The following MED13L variants were observed in gnomAD, a reference collection of about 807,000 sequenced individuals.
MED13L encodes mediator of RNA polymerase II transcription subunit 13-like.
Under a neutral mutation model 220.9 loss-of-function variants are expected in MED13L, and 7 were observed. The ratio of observed to expected loss-of-function variants is 0.03; its 90% CI spans 0.02 to 0.06. The LOEUF (loss-of-function observed/expected upper bound fraction) is 0.06. Among genes scored for constraint, MED13L ranks in the 10% least tolerant of loss-of-function variants. The pLI is 1.00. For missense variants in MED13L, 1,965 were observed against 2,760.5 expected (o/e 0.71, Z 6.46); for synonymous variants, 1,011 against 1,015.2 (o/e 1.00, Z 0.08).
At chr12:116,046,748 C>T (rs989166737) in intron 4 of MED13L, among the ~76,000 whole-genome samples, 28 of 152,170 alleles carry the variant, frequency 1.8e-4, no homozygotes, top group African/African-American at 3.4e-4. Flanking sequence ...ACGAGACAGA[C>T]GGATCACGAG....
chr12:116,020,047 G>A, intron 5 of MED13L, 75 bp from the exon 6 acceptor site: 1 of 1,298,004 alleles, frequency 7.7e-7, no homozygotes, highest in Non-Finnish European at 1.1e-6. Context: ...TACATATGTG[G>A]TAATTTTAGG....
intron 9 of MED13L, among the ~76,000 whole-genome samples, chr12:116,011,587 C>CA (rs966667885): frequency 8.5e-5 from 13 of 152,128 alleles, no homozygotes; most frequent in African/African-American, 3.1e-4. Context: ...GTCCATAAGT[C>CA]AAAGTTACTG....
chr12:116,089,285 T>C (rs1418503935), intron 4 of MED13L, among the ~76,000 whole-genome samples: 1 of 152,186 alleles, frequency 6.6e-6, no homozygotes, highest in Admixed American at 6.5e-5. Context: ...CCTGAACTCC[T>C]GGGCTCAAGC....
intron 29 of MED13L, 100 bp downstream of exon 29, chr12:115,965,982 A>T: frequency 7.1e-7 from 1 of 1,405,884 alleles, no homozygotes; most frequent in Non-Finnish European, 1.0e-6. Flanking sequence ...AAAGGAACAG[A>T]ATAAGATTAT....
intron 3 of MED13L, among the ~76,000 whole-genome samples, chr12:116,103,485 C>CT (rs547113941): frequency 3.9e-4 from 60 of 152,082 alleles, no homozygotes; most frequent in Non-Finnish European, 8.5e-4. Context: ...GGGGGTCTCG[C>CT]TTTGTTGCCC....
intron 2 of MED13L, among the ~76,000 whole-genome samples, chr12:116,142,678 G>C (rs560827241): frequency 6.6e-5 from 10 of 151,792 alleles, no homozygotes; most frequent in Non-Finnish European, 1.3e-4. Flanking sequence ...ACAAGAGTGA[G>C]GCCCAGTCTC....
chr12:116,159,958 T>C (rs975727595), intron 2 of MED13L, among the ~76,000 whole-genome samples: 2 of 151,180 alleles, frequency 1.3e-5, no homozygotes, highest in African/African-American at 4.9e-5. Flanking sequence ...TAAAATTTCA[T>C]CTCTTTGTCC....
intron 28 of MED13L, among the ~76,000 whole-genome samples, chr12:115,968,457 A>G (rs1007430300): frequency 2.6e-5 from 4 of 152,196 alleles, no homozygotes; most frequent in African/African-American, 7.2e-5. Context: ...TAGAAAGAAG[A>G]AGGCTGCAAA....
chr12:116,171,966 T>A (rs1348666499), intron 2 of MED13L, among the ~76,000 whole-genome samples: 1 of 152,230 alleles, frequency 6.6e-6, no homozygotes, highest in African/African-American at 2.4e-5. Flanking sequence ...TCAGCTTTTT[T>A]AATCAACTTC....
intron 4 of MED13L, among the ~76,000 whole-genome samples, chr12:116,088,494 G>A (rs1252365016): frequency 6.6e-6 from 1 of 152,138 alleles, no homozygotes; most frequent in Non-Finnish European, 1.5e-5. Context: ...ACGACTGAGG[G>A]AGGAGGGTGT....
chr12:116,223,526 G>A (rs984348158), intron 2 of MED13L, among the ~76,000 whole-genome samples: 5 of 151,966 alleles, frequency 3.3e-5, no homozygotes, highest in South Asian at 4.2e-4. Context: ...CGAACATGGC[G>A]AAACCCCGTC....
chr12:115,996,509 G>A lies in MED13L; in HGVS notation c.2963C>T (p.Pro988Leu). Residue 988 changes from proline to leucine, a missense_variant, in exon 16 of 31, where the codon CCC (proline) becomes CTC (leucine). Coordinates refer to ENST00000281928, the MANE Select transcript of MED13L (RefSeq NM_015335.5). Reference sequence around the variant, plus strand: ...ATCTCTAATGAAAGTGGCTGCAGGGGGCATGGGCAGTTGTTCAATTTTAGG... The same window carrying A: ...ATCTCTAATGAAAGTGGCTGCAGGGAGCATGGGCAGTTGTTCAATTTTAGG... ...IPPKIEQLPM[P>L]PAATFIRDGY... 2.5e-6 allele frequency: 4 copies of A among 1,614,182 alleles called. No homozygotes were observed. Among genetic ancestry groups the A allele is most frequent in the Non-Finnish European group, 2.5e-6 (3 of 1,180,002 alleles).
chr12:116,019,645 T>C, intron 6 of MED13L, 133 bp downstream of exon 6: 2 of 1,169,780 alleles, frequency 1.7e-6, no homozygotes, highest in South Asian at 2.6e-5. Context: ...ACTCAGTACA[T>C]ACCATTGTGT....
chr12:116,248,811 T>C (rs148605326), intron 1 of MED13L, among the ~76,000 whole-genome samples: 120 of 152,338 alleles, frequency 7.9e-4, no homozygotes, highest in South Asian at 1.9e-3. Context: ...CACAGACAAA[T>C]GTGACATTTA....
chr12:116,276,830 C>T, intron 1 of MED13L: 1 of 1,080,828 alleles, frequency 9.3e-7, no homozygotes. Flanking sequence ...AATTCCACGC[C>T]GAGCGCCGCG....
chr12:115,969,629 C>T (rs1876438782), intron 27 of MED13L, among the ~76,000 whole-genome samples: 1 of 151,498 alleles, frequency 6.6e-6, no homozygotes. Flanking sequence ...GGCTGGAGTG[C>T]AGTGGCACGA....
At chr12:116,002,769 G>A in intron 14 of MED13L, among the ~76,000 whole-genome samples, 1 of 152,106 alleles carries the variant, frequency 6.6e-6, no homozygotes, top group East Asian at 1.9e-4. Context: ...GCTATAAAAA[G>A]CTAATTCTTA....
At chr12:116,034,835 GTC>G (rs1033898381) in intron 4 of MED13L, among the ~76,000 whole-genome samples, 3 of 152,056 alleles carry the variant, frequency 2.0e-5, no homozygotes, top group Admixed American at 2.0e-4. Context: ...GTGTAACCCT[GTC>G]TCTACTAAAA....
intron 3 of MED13L, among the ~76,000 whole-genome samples, chr12:116,102,725 T>C (rs1170804410): frequency 1.6e-5 from 2 of 128,734 alleles, no homozygotes; most frequent in Admixed American, 7.7e-5. Flanking sequence ...TTTTTTTTTT[T>C]TTTTTTTTTT....
Sources: allele counts gnomAD v4.1 joint callset (sites outside exome capture counted in the v4.1 genomes callset), GRCh38; gene constraint gnomAD v4.1.1; transcripts MANE v1.5; gene names NCBI Gene and HGNC (gene_info 2026-07-23, HGNC 2026-07-21).